ARID3C: variants seen among roughly 807,000 people sequenced by gnomAD.
ARID3C encodes AT-rich interaction domain 3C.
A neutral mutation model predicts 37.9 loss-of-function variants in ARID3C; 42 were observed. The ratio of observed to expected loss-of-function variants is 1.11; its 90% CI spans 0.87 to 1.43. ARID3C has a LOEUF of 1.43. Ranked by LOEUF, ARID3C falls within the 40% of genes most tolerant of loss-of-function variation. ARID3C has a pLI of 0.00. For missense variants in ARID3C, 581 were observed against 548.8 expected, an observed-to-expected ratio of 1.06 and a Z score of -0.59; for synonymous variants, 213 against 228.0, an observed-to-expected ratio of 0.93 and a Z score of 0.59.
chr9:34,623,804 C>A lies in ARID3C; in HGVS notation c.575+60G>T. On this transcript the variant is annotated intron_variant, in intron 3 of 6. Transcript: ENST00000378909. Reference sequence around the variant, plus strand: ...CGGACGCCCGCCCGGGGACCCTCCCCCCTCCCGCCCCAGGCCGAACCCGTG... The same window carrying A: ...CGGACGCCCGCCCGGGGACCCTCCCACCTCCCGCCCCAGGCCGAACCCGTG... The A allele has an allele frequency of 4.0e-6, 6 of 1,506,588 alleles. No homozygotes were observed. In the East Asian group the frequency reaches 9.9e-5, roughly 25 times the overall value. The allele number at this position is 1,506,588 out of a possible 1,614,324, so 93.3% of individuals were successfully genotyped here. A position where few individuals can be genotyped will look rare whatever the true frequency, so the allele number is the denominator to read the frequency against.
exon 5 of ARID3C, chr9:34,622,472 G>A: frequency 1.2e-6 from 2 of 1,613,958 alleles, no homozygotes; most frequent in African/African-American, 1.3e-5. Context: ...CTCCCGTGTA[G>A]GTCCCAGTGC....
chr9:34,622,680 C>A, intron 4 of ARID3C, 151 bp from the exon 6 acceptor site: 3 of 802,296 alleles, frequency 3.7e-6, no homozygotes, highest in Non-Finnish European at 5.6e-6. Flanking sequence ...GAGCCTCAGC[C>A]TGGAAGCGCT....
At chr9:34,627,491 TAAA>T (rs1452627227) in intron 1 of ARID3C, among the ~76,000 whole-genome samples, 1 of 151,446 alleles carries the variant, frequency 6.6e-6, no homozygotes, top group African/African-American at 2.4e-5. Context: ...AAAGAAATTT[TAAA>T]AAATTAGCCA....
downstream of ARID3C, chr9:34,621,371 A>C (rs533116086): frequency 4.0e-4 from 397 of 988,170 alleles, 2 homozygotes; most frequent in East Asian, 0.012. Context: ...GCTGGGTCCC[A>C]GAGTGGGCAG....
chr9:34,622,352 AG>A lies in ARID3C; in HGVS notation c.1042del (p.Leu348Ter). ...CACAACAAGCCCCTCCTCACCCCTCAGGGGAACCTTGCCACGGGGCAGGAAA... is the reference window on the plus strand; with the variant it reads ...CACAACAAGCCCCTCCTCACCCCTCAGGGAACCTTGCCACGGGGCAGGAAA... On this transcript the variant is annotated frameshift_variant, in exon 5 of 7. Transcript: ENST00000378909. LOFTEE classifies it high-confidence loss of function. 1 of 1,607,192 alleles carries A rather than the reference AG, an allele frequency of 6.2e-7. No individual in the cohort carries two copies. The highest frequency in any genetic ancestry group is 1.7e-4 in the Middle Eastern group (1 of 5,944).
upstream of ARID3C, among the ~76,000 whole-genome samples, chr9:34,629,107 GCGGGCGGGGCGCA>G (rs1820699210): frequency 6.6e-6 from 1 of 152,094 alleles, no homozygotes; most frequent in African/African-American, 2.4e-5. Context: ...GCGGGGCAGG[GCGGGCGGGGCGCA>G]TGGGGAGAGG....
chr9:34,629,177 CCTT>C (rs1375902681), upstream of ARID3C, among the ~76,000 whole-genome samples: 2 of 152,206 alleles, frequency 1.3e-5, no homozygotes, highest in Non-Finnish European at 2.9e-5. Context: ...GTGTCTCCCA[CCTT>C]CTTTCCAGCC....
rs2132308900 is a variant in ARID3C, at chr9:34,622,005, C to A, written c.1138+15G>T. On this transcript the variant is annotated intron_variant, in intron 6 of 6. Transcript: ENST00000378909. Reference sequence around the variant, plus strand: ...CTGACCCCATGCCAGTGTAGACAGCCTGCAGTACCCATACCAGTGTAGACC... The same window carrying A: ...CTGACCCCATGCCAGTGTAGACAGCATGCAGTACCCATACCAGTGTAGACC... The A allele has an allele frequency of 6.2e-7, 1 of 1,613,296 alleles. No individual in the cohort carries two copies. Among genetic ancestry groups the A allele is most frequent in the East Asian group, 2.2e-5 (1 of 44,882 alleles).
chr9:34,622,476 C>CCAGTGCCAGGCCCACAGG, exon 5 of ARID3C: 1 of 1,613,140 alleles, frequency 6.2e-7, no homozygotes, highest in Non-Finnish European at 8.5e-7. Flanking sequence ...CGTGTAGGTC[C>CCAGTGCCAGGCCCACAGG]CAGTGCCAGG....
chr9:34,622,426 A>G, exon 5 of ARID3C: 1 of 1,614,118 alleles, frequency 6.2e-7, no homozygotes, highest in Non-Finnish European at 8.5e-7. Context: ...CCATCAGCAC[A>G]GCTCTCTTCT....
chr9:34,624,742 G>A (rs1820631922), intron 2 of ARID3C, among the ~76,000 whole-genome samples: 1 of 152,232 alleles, frequency 6.6e-6, no homozygotes, highest in South Asian at 2.1e-4. Context: ...CCGCGCCTTT[G>A]GACCCGAACA....
chr9:34,628,668 G>A (rs1283749491), upstream of ARID3C, among the ~76,000 whole-genome samples: 1 of 152,150 alleles, frequency 6.6e-6, no homozygotes, highest in East Asian at 1.9e-4. The surrounding 1 kb of genome is among the most constrained non-coding windows in gnomAD (Gnocchi z 5.2). Context: ...GAGATATAGG[G>A]AAAGACCAAG....
At chr9:34,623,600 G>C (rs780419870) in exon 4 of ARID3C, 74 of 1,609,058 alleles carry the variant, frequency 4.6e-5, no homozygotes, top group Non-Finnish European at 5.5e-5. Flanking sequence ...GCGGAGTAGC[G>C]GTGTAAGCCT....
At chr9:34,631,363 T>C (rs1330568629), upstream of ARID3C, among the ~76,000 whole-genome samples, 1 of 152,144 alleles carries the variant, frequency 6.6e-6, no homozygotes, top group Non-Finnish European at 1.5e-5. Flanking sequence ...GGGGAAGGAA[T>C]ATGCTTGACT....
rs1223624005 is a variant in ARID3C at position 34,625,727 on chromosome 9, C to T, written c.391+15G>A. The T allele has an allele frequency of 1.9e-6, 3 of 1,613,728 alleles. No homozygotes were observed. Among genetic ancestry groups the T allele is most frequent in the Non-Finnish European group, 2.5e-6 (3 of 1,179,768 alleles). On this transcript the variant is annotated intron_variant, in intron 2 of 6. Transcript: ENST00000378909. ...GGGCAATTCCAGGGCCCTTCCCCCACATCATGCCACTCACCCCTCTTTTGC... is the reference window on the plus strand; with the variant it reads ...GGGCAATTCCAGGGCCCTTCCCCCATATCATGCCACTCACCCCTCTTTTGC...
At chr9:34,627,517 T>A (rs1467091722) in intron 1 of ARID3C, among the ~76,000 whole-genome samples, 180 bp downstream of exon 2, 1 of 150,468 alleles carries the variant, frequency 6.6e-6, no homozygotes, top group African/African-American at 2.5e-5. Context: ...CATCTGTCTT[T>A]CCCTCCCTGT....
At chr9:34,622,081 C>A in exon 6 of ARID3C, 1 of 1,614,114 alleles carries the variant, frequency 6.2e-7, no homozygotes, top group Non-Finnish European at 8.5e-7. Flanking sequence ...CACTGCCTGC[C>A]AGATTAAGAG....
rs1483648620 is a variant in ARID3C at position 34,627,560 on chromosome 9, T to C, written c.318+137A>G. 12 of 737,488 alleles carry C rather than the reference T, an allele frequency of 1.6e-5. No individual in the cohort carries two copies. The East Asian group carries it at 3.3e-4, about 20-fold the overall frequency. 45.7% of individuals were successfully genotyped at this position (737,488 alleles called of 1,614,324 possible). ...CTCCAATCTTCTCTCTGTCTTTCTA[T>C]AGGTCTCCGTGTCTCTGTGTCTCTT... On this transcript the variant is annotated intron_variant, in intron 1 of 6. Coordinates refer to ENST00000378909, the Ensembl canonical transcript of ARID3C.
chr9:34,622,520 C>G (rs772678031), exon 5 of ARID3C: 1 of 1,604,246 alleles, frequency 6.2e-7, no homozygotes, highest in South Asian at 1.1e-5. Context: ...GTTTGGAATT[C>G]CACTCTCCTC....
Sources: allele counts gnomAD v4.1 joint callset (sites outside exome capture counted in the v4.1 genomes callset), GRCh38; gene constraint gnomAD v4.1.1; non-coding constraint Gnocchi (gnomAD v3.1); transcripts MANE v1.5; gene names NCBI Gene and HGNC (gene_info 2026-07-23, HGNC 2026-07-21).